The following TRMO variants were observed in gnomAD, a reference collection of about 807,000 sequenced individuals.
The protein encoded by TRMO is tRNA methyltransferase O.
In TRMO, 30 loss-of-function variants were observed where a neutral mutation model predicts 37.2. The observed-to-expected ratio is 0.81, with a 90% CI of 0.60 to 1.09. The LOEUF is 1.09. TRMO is among the 50% of genes least tolerant of loss of function. The pLI, the probability that TRMO is intolerant of heterozygous loss-of-function variation, is 0.00. For missense variants in TRMO, 552 were observed against 549.5 expected (o/e 1.00, Z -0.05); for synonymous variants, 239 against 199.4 (o/e 1.20, Z -1.67).
chr9:97,908,520 C>T (rs72753548), intron 4 of TRMO, among the ~76,000 whole-genome samples: 34,361 of 152,014 alleles, frequency 0.23, 4,116 homozygotes, highest in Non-Finnish European at 0.26. Flanking sequence ...GCCCGGAAGG[C>T]TGAGGCTGCA....
intron 1 of TRMO, among the ~76,000 whole-genome samples, chr9:97,921,999 T>G (rs1826664813): frequency 6.6e-6 from 1 of 152,142 alleles, no homozygotes; most frequent in Admixed American, 6.5e-5. Flanking sequence ...AGGCCCAATT[T>G]AAAACTATTT....
chr9:97,912,523 T>G (rs1185704508), intron 3 of TRMO: 1 of 164,370 alleles, frequency 6.1e-6, no homozygotes, highest in African/African-American at 2.4e-5. Context: ...TAAGGCCCAG[T>G]TGAGTACAAT....
At chr9:97,902,593 C>T (rs556229225), downstream of TRMO, among the ~76,000 whole-genome samples, 12 of 152,278 alleles carry the variant, frequency 7.9e-5, no homozygotes, top group South Asian at 1.9e-3. Flanking sequence ...TGAGCCACTG[C>T]GCCCAGCCTA....
chr9:97,902,917 T>C (rs546560229), downstream of TRMO, among the ~76,000 whole-genome samples: 3 of 152,314 alleles, frequency 2.0e-5, no homozygotes, highest in South Asian at 6.2e-4. Flanking sequence ...ACAGGACCTC[T>C]ACTATTTCTG....
downstream of TRMO, chr9:97,904,432 G>A: frequency 9.0e-7 from 1 of 1,111,476 alleles, no homozygotes; most frequent in Non-Finnish European, 1.1e-6. Flanking sequence ...AATGAACTTT[G>A]TCTAATTTTA....
chr9:97,897,445 C>T, the TRMO span, among the ~76,000 whole-genome samples: 2 of 152,120 alleles, frequency 1.3e-5, no homozygotes, highest in South Asian at 2.1e-4. Flanking sequence ...TGTTTACAAT[C>T]CTTTAAAAAT....
chr9:97,899,430 G>GTATTTATTTATTTATT, the TRMO span, among the ~76,000 whole-genome samples: 12 of 149,396 alleles, frequency 8.0e-5, no homozygotes, highest in African/African-American at 2.7e-4. Flanking sequence ...TTTTATGTAC[G>GTATTTATTTATTTATT]TATTTATTTA....
At chr9:97,906,683 CA>C (rs1825865969) in intron 4 of TRMO, among the ~76,000 whole-genome samples, 1 of 151,700 alleles carries the variant, frequency 6.6e-6, no homozygotes, top group South Asian at 2.1e-4. Context: ...GTTTAAAAAA[CA>C]AAACTTTCCA....
Position 97,910,418 on chromosome 9 carries a change from A to ACAG in TRMO, c.607_608insCTG (p.Leu203delinsProVal). The ACAG allele has an allele frequency of 6.8e-6, 11 of 1,614,090 alleles. No homozygotes were observed. The highest frequency in any genetic ancestry group is 9.3e-6 in the Non-Finnish European group (11 of 1,180,018). ...GGGTTGTGGCTCATCACACCCTGAGAGCTGTCGCTGGTCACAGCTGTCAGT... is the reference window on the plus strand; with the variant it reads ...GGGTTGTGGCTCATCACACCCTGAGACAGGCTGTCGCTGGTCACAGCTGTCAGT... On this transcript the variant is annotated protein_altering_variant, in exon 4 of 5. Coordinates refer to ENST00000375119, the MANE Select transcript of TRMO (RefSeq NM_016481.5).
downstream of TRMO, chr9:97,900,817 C>G (rs1354358258): frequency 1.5e-6 from 1 of 660,676 alleles, no homozygotes; most frequent in African/African-American, 2.0e-5. Context: ...GAGGTTGATT[C>G]ACGTCAACTT....
At chr9:97,918,413 TTAAG>T (rs1181630497) in intron 1 of TRMO, among the ~76,000 whole-genome samples, 1 of 151,872 alleles carries the variant, frequency 6.6e-6, no homozygotes, top group Non-Finnish European at 1.5e-5. Flanking sequence ...CACAATTTTT[TTAAG>T]TAATAACATA....
At chr9:97,916,771 T>C (rs1036781342) in intron 1 of TRMO, among the ~76,000 whole-genome samples, 1 of 149,232 alleles carries the variant, frequency 6.7e-6, no homozygotes, top group Non-Finnish European at 1.5e-5. Context: ...AGTGGCCCGA[T>C]CTCGGCTCAC....
At chr9:97,914,738 T>C (rs908590846) in intron 2 of TRMO, among the ~76,000 whole-genome samples, 3 of 152,184 alleles carry the variant, frequency 2.0e-5, no homozygotes, top group African/African-American at 7.2e-5. Flanking sequence ...TATACTGTTA[T>C]GTGAAGAAAA....
chr9:97,903,583 T>C (rs79848377), downstream of TRMO, among the ~76,000 whole-genome samples: 489 of 152,340 alleles, frequency 3.2e-3, 1 homozygote, highest in African/African-American at 0.011. Context: ...AAATCACCTA[T>C]AGGCAATACA....
rs1826221781 is a variant in TRMO, at chr9:97,913,488, C to T, written c.322G>A (p.Gly108Ser). The part of the protein sequence containing the change: ...KAKVQPPRLN[G>S]AKTGVFSTRS... ...GTGGAAAAAACTCCAGTCTTTGCAC[C>T]ATTCAGCCTAGGAGGCTGCACTTTT... The change falls in exon 3 of 5, where the codon GGT becomes AGT. Residue 108 changes from glycine (G) to serine (S), a missense_variant. Gly to Ser is a moderately conservative substitution (Grantham distance 56). Coordinates refer to ENST00000375119, the MANE Select transcript of TRMO (RefSeq NM_016481.5). 1.2e-6 allele frequency: 2 copies of T among 1,614,082 alleles called. No individual in the cohort carries two copies. Among genetic ancestry groups the T allele is most frequent in the Non-Finnish European group, 1.7e-6 (2 of 1,179,980 alleles).
Position 97,916,207 on chromosome 9 carries a change from G to T in TRMO, c.208C>A (p.Pro70Thr). The change falls in exon 2 of 5, where the codon CCT becomes ACT. Residue 70 changes from proline (P) to threonine (T), a missense_variant. Physicochemically the swap from Pro to Thr is conservative, Grantham distance 38 (BLOSUM62 -1). Coordinates refer to ENST00000375119, the MANE Select transcript of TRMO (RefSeq NM_016481.5). ...TCTAGGCCCATCAAGGAATGTTCAG[G>T]ATTATTAAAGATCCTCTTTCTAATC... is the stretch of plus-strand genomic sequence containing the variant. ...LRIRKRIFNN[P>T]EHSLMGLEQF... is the part of the protein sequence containing the mutation. 1 of 1,613,502 alleles carries T rather than the reference G, an allele frequency of 6.2e-7. No individual in the cohort carries two copies. Among genetic ancestry groups the T allele is most frequent in the Non-Finnish European group, 8.5e-7 (1 of 1,179,650 alleles).
downstream of TRMO, among the ~76,000 whole-genome samples, chr9:97,904,065 G>A (rs762404481): frequency 2.6e-5 from 4 of 152,190 alleles, no homozygotes; most frequent in Non-Finnish European, 5.9e-5. Flanking sequence ...CTGGGCGAAA[G>A]AGCAAGACTC....
the TRMO span, among the ~76,000 whole-genome samples, chr9:97,899,358 G>A: frequency 3.3e-5 from 5 of 152,148 alleles, no homozygotes; most frequent in African/African-American, 4.8e-5. Context: ...TTAGGGAGGA[G>A]CACTTTGTGA....
At chr9:97,914,581 G>T (rs1396272165) in intron 2 of TRMO, among the ~76,000 whole-genome samples, 23 of 151,912 alleles carry the variant, frequency 1.5e-4, no homozygotes, top group Admixed American at 1.5e-3. Context: ...GTGTCTAAGG[G>T]GGTTTGTCAC....
Sources: gnomAD v4.1 joint callset for allele counts (sites outside exome capture counted in the v4.1 genomes callset) on GRCh38, gnomAD v4.1.1 for gene constraint, MANE v1.5 for transcripts, NCBI Gene and HGNC (gene_info 2026-07-23, HGNC 2026-07-21) for gene names.